CDH18: variants seen among roughly 807,000 people sequenced by gnomAD.
The protein encoded by CDH18 is cadherin-18.
CDH18 carries 31 observed loss-of-function variants against 67.9 expected under a neutral mutation model. The ratio of observed to expected loss-of-function variants is 0.46; its 90% CI spans 0.34 to 0.62. The LOEUF (loss-of-function observed/expected upper bound fraction) is 0.62. Ranked by LOEUF, CDH18 falls within the 20% of genes least tolerant of loss-of-function variation. The pLI, the probability that CDH18 is intolerant of heterozygous loss-of-function variation, is 0.01. For synonymous variants in CDH18, 362 were observed against 347.2 expected (o/e 1.04, Z -0.48); for missense variants, 890 against 975.5 (o/e 0.91, Z 1.17).
chr5:20,269,760 T>C (rs186085356), intron 1 of CDH18, among the ~76,000 whole-genome samples: 1 of 152,186 alleles, frequency 6.6e-6, no homozygotes, highest in Non-Finnish European at 1.5e-5. Flanking sequence ...ACAAATTAGT[T>C]AATGGGTACA....
intron 4 of CDH18, among the ~76,000 whole-genome samples, chr5:19,733,938 C>A (rs1260870177): frequency 6.6e-6 from 1 of 152,210 alleles, no homozygotes; most frequent in Non-Finnish European, 1.5e-5. Context: ...AGACCCCACA[C>A]TTGCTTGCTT....
At chr5:19,699,638 GTGTC>G (rs1283239256) in intron 5 of CDH18, among the ~76,000 whole-genome samples, 15 of 144,344 alleles carry the variant, frequency 1.0e-4, no homozygotes, top group Admixed American at 4.8e-4. Context: ...GTGTGTGTGT[GTGTC>G]TGTGTGTGTG....
intron 2 of CDH18, among the ~76,000 whole-genome samples, chr5:20,231,101 A>T (rs1475290136): frequency 6.6e-6 from 1 of 152,170 alleles, no homozygotes; most frequent in Non-Finnish European, 1.5e-5. Context: ...CTGCTACTAT[A>T]CGTTGAAATC....
At chr5:19,511,348 G>A (rs571363592) in intron 10 of CDH18, among the ~76,000 whole-genome samples, 1 of 152,194 alleles carries the variant, frequency 6.6e-6, no homozygotes, top group East Asian at 1.9e-4. Flanking sequence ...TTGGTACCAC[G>A]GAGAGTGGGA....
intron 2 of CDH18, among the ~76,000 whole-genome samples, chr5:20,252,411 C>T (rs976914158): frequency 6.6e-6 from 1 of 151,838 alleles, no homozygotes; most frequent in Admixed American, 6.6e-5. Flanking sequence ...TATATTTTAT[C>T]AACTATCAAT....
intron 2 of CDH18, among the ~76,000 whole-genome samples, chr5:20,246,377 G>C (rs188969639): frequency 6.6e-6 from 1 of 152,220 alleles, no homozygotes; most frequent in Admixed American, 6.5e-5. Flanking sequence ...CCATATTTCA[G>C]TATGATTTGT....
chr5:20,569,303 G>A lies in CDH18; in HGVS notation c.-580+6159C>T, dbSNP rs1758679253. ...ATCATTTATATAGCTTGTACTACGA[G>A]CCAATATTCTGAATCATTCCTTCAA... On this transcript the variant is annotated intron_variant, in intron 1 of 14. Transcript: ENST00000507958. Among the ~76,000 whole-genome samples, 3 of 152,158 alleles carry A rather than the reference G, an allele frequency of 2.0e-5. No individual in the cohort carries two copies. In the South Asian group the frequency reaches 6.2e-4, roughly 31 times the overall value.
intron 11 of CDH18, among the ~76,000 whole-genome samples, chr5:19,495,717 C>CAAAAA (rs749003068): frequency 2.1e-3 from 98 of 46,384 alleles, no homozygotes; most frequent in Non-Finnish European, 2.8e-3. Flanking sequence ...GAAACTGTCT[C>CAAAAA]AAAAAAAAAA....
At chr5:19,700,738 G>T (rs1317370308) in intron 5 of CDH18, among the ~76,000 whole-genome samples, 3 of 152,088 alleles carry the variant, frequency 2.0e-5, no homozygotes, top group Non-Finnish European at 4.4e-5. Flanking sequence ...GCTTGTACAT[G>T]TATTTGTATC....
chr5:19,747,531 C>T (rs899589254), intron 3 of CDH18, among the ~76,000 whole-genome samples: 4 of 151,950 alleles, frequency 2.6e-5, no homozygotes, highest in Non-Finnish European at 4.4e-5. Context: ...AATCCACATT[C>T]CACTAACTGC....
chr5:19,794,542 T>C (rs1397086345), intron 3 of CDH18, among the ~76,000 whole-genome samples: 2 of 152,114 alleles, frequency 1.3e-5, no homozygotes, highest in Non-Finnish European at 2.9e-5. Context: ...CCAATTCCCA[T>C]AAATTGATCC....
chr5:19,710,877 C>T (rs1467029823), intron 5 of CDH18, among the ~76,000 whole-genome samples: 1 of 151,970 alleles, frequency 6.6e-6, no homozygotes, highest in African/African-American at 2.4e-5. Flanking sequence ...CATAACCAAA[C>T]AGCATAGTAC....
chr5:20,441,716 C>A (rs912769635), intron 1 of CDH18, among the ~76,000 whole-genome samples: 2 of 151,572 alleles, frequency 1.3e-5, no homozygotes, highest in Non-Finnish European at 2.9e-5. Flanking sequence ...ATTTTTTTAT[C>A]ATTATTATTT....
At chr5:20,003,493 A>T (rs570967714) in intron 2 of CDH18, among the ~76,000 whole-genome samples, 56 of 151,982 alleles carry the variant, frequency 3.7e-4, no homozygotes, top group Middle Eastern at 3.4e-3. Context: ...CCATCTTTTT[A>T]AAAAAAATGT....
At chr5:20,468,504 C>A (rs1412014348) in intron 1 of CDH18, among the ~76,000 whole-genome samples, 1 of 152,140 alleles carries the variant, frequency 6.6e-6, no homozygotes, top group Non-Finnish European at 1.5e-5. Flanking sequence ...TCTTGGAATA[C>A]CACAGATTCC....
chr5:20,067,022 A>G (rs1327316823), intron 2 of CDH18, among the ~76,000 whole-genome samples: 5 of 151,922 alleles, frequency 3.3e-5, no homozygotes, highest in African/African-American at 9.7e-5. Flanking sequence ...AAAAAAAACA[A>G]CAGTAAAAAA....
chr5:20,336,958 A>C (rs1739828490), intron 1 of CDH18, among the ~76,000 whole-genome samples: 1 of 151,960 alleles, frequency 6.6e-6, no homozygotes, highest in Admixed American at 6.6e-5. Context: ...ACTCTGGCCA[A>C]CCCCAGACAT....
rs182524010 is a variant in CDH18, at chr5:19,768,123, T to C, written c.229-20887A>G. ...ACATACCCCTAAAATTCTAATTATG[T>C]GAACTCTGATGGTTCCTCGGAAGAC... On this transcript the variant is annotated intron_variant, in intron 3 of 12. Coordinates refer to ENST00000382275, the MANE Select transcript of CDH18 (RefSeq NM_004934.5). Among the ~76,000 whole-genome samples the C allele has an allele frequency of 2.5e-3, 388 of 152,246 alleles. 1 individual carries two copies. Among genetic ancestry groups the C allele is most frequent in the Non-Finnish European group, 4.2e-3 (288 of 68,022 alleles).
chr5:20,372,422 A>C (rs1743077803), intron 1 of CDH18, among the ~76,000 whole-genome samples: 1 of 152,154 alleles, frequency 6.6e-6, no homozygotes, highest in South Asian at 2.1e-4. Context: ...CCACTGCACT[A>C]CTTAATACTA....
Sources: gnomAD v4.1 joint callset for allele counts (sites outside exome capture counted in the v4.1 genomes callset) on GRCh38, gnomAD v4.1.1 for gene constraint, MANE v1.5 for transcripts, NCBI Gene and HGNC (gene_info 2026-07-23, HGNC 2026-07-21) for gene names.